MCPH1: variants seen among roughly 807,000 people sequenced by gnomAD.
MCPH1 encodes microcephalin.
MCPH1 carries 104 observed loss-of-function variants against 84.5 expected under a neutral mutation model. That is an observed-to-expected ratio of 1.23 (90% CI 1.05 to 1.45). MCPH1 has a LOEUF of 1.45. MCPH1 is among the 40% of genes most tolerant of loss of function. The pLI is 0.00. For missense variants in MCPH1, 1,498 were observed against 1,005.7 expected (o/e 1.49, Z -6.62); for synonymous variants, 514 against 366.8 (o/e 1.40, Z -4.58).
intron 3 of MCPH1, among the ~76,000 whole-genome samples, chr8:6,417,833 T>A (rs1162718975): frequency 2.6e-5 from 4 of 152,206 alleles, no homozygotes; most frequent in African/African-American, 9.7e-5. Flanking sequence ...TGTGTCACAT[T>A]TTTCTGGCTC....
chr8:6,479,164 G>A (rs2129559573), intron 10 of MCPH1, among the ~76,000 whole-genome samples: 1 of 152,240 alleles, frequency 6.6e-6, no homozygotes, highest in Non-Finnish European at 1.5e-5. Context: ...CTACTTGGGA[G>A]GATAAGGCAG....
Position 6,505,328 on chromosome 8 carries a change from C to CTTTCT in MCPH1, c.2214+5399_2214+5400insTTTCT, listed in dbSNP as rs1479678827. On this transcript the variant is annotated intron_variant, in intron 12 of 13. Coordinates refer to ENST00000344683, the MANE Select transcript of MCPH1 (RefSeq NM_024596.5). ...GTATATAACATATATATGTTATATA[C>CTTTCT]ATATAGAAAGAATATATATATTCTT... 7.1e-3 allele frequency among the ~76,000 whole-genome samples: 346 copies of CTTTCT among 48,498 alleles called. 57 individuals are homozygous for CTTTCT. Among genetic ancestry groups the CTTTCT allele is most frequent in the African/African-American group, 0.041 (335 of 8,192 alleles). The allele number at this position is 48,498 out of a possible 152,430, so 31.8% of individuals were successfully genotyped here. A position where few individuals can be genotyped will look rare whatever the true frequency, so the allele number is the denominator to read the frequency against.
rs77933383 is a variant in MCPH1 at position 6,623,621 on chromosome 8, G to A, written c.2452+1930G>A. Among the ~76,000 whole-genome samples the A allele has an allele frequency of 6.3e-4, 90 of 142,820 alleles. 1 individual carries two copies. In the East Asian group the frequency reaches 0.019, roughly 30 times the overall value. 93.7% of individuals were successfully genotyped at this position (142,820 alleles called of 152,430 possible). A position where few individuals can be genotyped will look rare whatever the true frequency, so the allele number is the denominator to read the frequency against. On this transcript the variant is annotated intron_variant, in intron 13 of 13. Transcript: ENST00000344683. ...TCATCCTTTCATATATTTTAGAAGT[G>A]TGGCAATCAAAAGTAATTTTTTACT...
chr8:6,424,508 C>T (rs926174649), intron 3 of MCPH1, among the ~76,000 whole-genome samples: 8 of 152,214 alleles, frequency 5.3e-5, no homozygotes, highest in African/African-American at 1.9e-4. Flanking sequence ...CAGCCAGCTC[C>T]ACTTCCCGCC....
intron 12 of MCPH1, among the ~76,000 whole-genome samples, chr8:6,620,496 C>A (rs1244261863): frequency 2.6e-5 from 4 of 152,134 alleles, no homozygotes; most frequent in Non-Finnish European, 5.9e-5. Flanking sequence ...CTGCCCCTGA[C>A]TGAGAGGACC....
intron 12 of MCPH1, among the ~76,000 whole-genome samples, chr8:6,558,957 C>T (rs957687770): frequency 1.3e-5 from 2 of 151,926 alleles, no homozygotes; most frequent in Admixed American, 6.6e-5. Context: ...AAATATGTTG[C>T]AGTTCCCCTA....
intron 12 of MCPH1, among the ~76,000 whole-genome samples, chr8:6,511,369 C>T (rs1178016457): frequency 1.3e-5 from 2 of 151,934 alleles, no homozygotes; most frequent in East Asian, 3.9e-4. Flanking sequence ...TCAACATTAA[C>T]AATTAAACCT....
At chr8:6,446,980 T>C in intron 8 of MCPH1, 1 of 985,314 alleles carries the variant, frequency 1.0e-6, no homozygotes, top group Non-Finnish European at 1.2e-6. Context: ...AGAGGTTTTT[T>C]CGCTCAGTGG....
intron 9 of MCPH1, among the ~76,000 whole-genome samples, chr8:6,472,981 A>T (rs1488230364): frequency 6.6e-6 from 1 of 152,234 alleles, no homozygotes; most frequent in Admixed American, 6.5e-5. Flanking sequence ...GCTCTTTCCT[A>T]AGAGACACGA....
At position 6,643,880 on chromosome 8, in the gene MCPH1, G is replaced by C. The variant is rs1464705340; in HGVS notation, c.*831G>C. 6.6e-6 allele frequency: 1 copy of C among 152,214 alleles called. No individual in the cohort carries two copies. The highest frequency in any genetic ancestry group is 1.5e-5 in the Non-Finnish European group (1 of 68,062). 9.4% of individuals were successfully genotyped at this position (152,214 alleles called of 1,614,324 possible). On this transcript the variant is annotated 3_prime_UTR_variant, in exon 14 of 14. Coordinates refer to ENST00000344683, the MANE Select transcript of MCPH1 (RefSeq NM_024596.5). ...ATGGTGAGCAAAGCATCACCAGCAA[G>C]TGATCACAATGTCCACTGGCCGCTT... is the stretch of plus-strand genomic sequence containing the variant.
chr8:6,447,041 A>G (rs1804495429), intron 8 of MCPH1: 14 of 985,426 alleles, frequency 1.4e-5, no homozygotes, highest in Non-Finnish European at 1.7e-5. Flanking sequence ...GCAAGAAAAC[A>G]TTCTGTGTGC....
chr8:6,471,971 G>C (rs1807782326), intron 9 of MCPH1, among the ~76,000 whole-genome samples: 1 of 152,162 alleles, frequency 6.6e-6, no homozygotes, highest in Non-Finnish European at 1.5e-5. Context: ...AATTTATTGA[G>C]AGTTCATTAC....
At chr8:6,457,160 T>G (rs1412389606) in intron 9 of MCPH1, among the ~76,000 whole-genome samples, 2 of 152,204 alleles carry the variant, frequency 1.3e-5, no homozygotes, top group Non-Finnish European at 2.9e-5. Flanking sequence ...ACTGCCTAAC[T>G]TGCTCAAATT....
chr8:6,626,999 G>T (rs1330929637), intron 13 of MCPH1: 3 of 982,072 alleles, frequency 3.1e-6, no homozygotes, highest in Non-Finnish European at 3.6e-6. Flanking sequence ...AAAAAAAAAA[G>T]TTTAGCCTCC....
chr8:6,625,801 G>T (rs902815676), intron 13 of MCPH1: 3 of 983,086 alleles, frequency 3.1e-6, no homozygotes, highest in Middle Eastern at 5.2e-4. Flanking sequence ...AAAAAAAAAA[G>T]AATCATTTTT....
At chr8:6,581,989 A>G (rs1465216190) in intron 12 of MCPH1, among the ~76,000 whole-genome samples, 1 of 152,006 alleles carries the variant, frequency 6.6e-6, no homozygotes, top group Non-Finnish European at 1.5e-5. Context: ...TAAAGGCACC[A>G]CCTCCCAGTA....
chr8:6,433,411 T>A (rs972280612), intron 4 of MCPH1, among the ~76,000 whole-genome samples: 1 of 151,998 alleles, frequency 6.6e-6, no homozygotes, highest in African/African-American at 2.4e-5. Context: ...GGCGGGCAAA[T>A]CAGTTGAGGC....
chr8:6,539,621 C>G (rs145915883), intron 12 of MCPH1, among the ~76,000 whole-genome samples: 126 of 152,260 alleles, frequency 8.3e-4, no homozygotes, highest in Middle Eastern at 3.4e-3. Flanking sequence ...GAGTCTCGCT[C>G]TGTCTCTCAG....
chr8:6,512,891 C>G (rs750900784), intron 12 of MCPH1, among the ~76,000 whole-genome samples: 1 of 152,222 alleles, frequency 6.6e-6, no homozygotes, highest in Non-Finnish European at 1.5e-5. Context: ...AACCATCCCA[C>G]CTAACTCTGC....
Sources: allele counts gnomAD v4.1 joint callset (sites outside exome capture counted in the v4.1 genomes callset), GRCh38; gene constraint gnomAD v4.1.1; transcripts MANE v1.5; gene names NCBI Gene and HGNC (gene_info 2026-07-23, HGNC 2026-07-21).